The following PDE8B variants were observed in gnomAD, a reference collection of about 807,000 sequenced individuals.
PDE8B encodes the protein phosphodiesterase 8B.
A neutral mutation model predicts 101.3 loss-of-function variants in PDE8B; 26 were observed. That is an observed-to-expected ratio of 0.26 (90% CI 0.19 to 0.36). The LOEUF is 0.36. Ranked by LOEUF, PDE8B falls within the 10% of genes least tolerant of loss-of-function variation. The probability of loss-of-function intolerance (pLI) is 1.00; values close to 1 mark genes in which losing one functional copy is unlikely to be tolerated. For missense variants in PDE8B, 810 were observed against 1,163.1 expected (o/e 0.70, Z 4.42); for synonymous variants, 424 against 429.3 (o/e 0.99, Z 0.15).
intron 10 of PDE8B, among the ~76,000 whole-genome samples, chr5:77,377,078 C>G (rs539714349): frequency 6.6e-6 from 1 of 152,164 alleles, no homozygotes; most frequent in African/African-American, 2.4e-5. Context: ...CAAGGGGACA[C>G]GGGCTGGAGG....
intron 21 of PDE8B, 126 bp from the exon 22 acceptor site, chr5:77,426,319 C>T (rs889298973): frequency 1.4e-6 from 1 of 717,464 alleles, no homozygotes; most frequent in Non-Finnish European, 2.6e-6. Context: ...GACTTGTCCT[C>T]ATGCTTCGCC....
At chr5:77,140,308 A>G in the PDE8B span, 2 of 152,144 alleles carry the variant, frequency 1.3e-5, no homozygotes, top group Non-Finnish European at 2.9e-5. Context: ...CCAACACTGT[A>G]GCCCTCAGGA....
At chr5:77,355,762 A>G (rs1183297890) in intron 10 of PDE8B, among the ~76,000 whole-genome samples, 1 of 152,262 alleles carries the variant, frequency 6.6e-6, no homozygotes, top group Admixed American at 6.5e-5. Context: ...GGCCACAGAC[A>G]GGTAAACAGA....
chr5:77,422,040 G>A (rs192368354), intron 20 of PDE8B, 52 bp downstream of exon 20: 16 of 1,560,676 alleles, frequency 1.0e-5, no homozygotes, highest in Admixed American at 6.9e-5. Context: ...ATGGGAACTA[G>A]GTCATGGAAC....
At chr5:77,317,347 G>C (rs1773980445) in intron 2 of PDE8B, among the ~76,000 whole-genome samples, 1 of 152,192 alleles carries the variant, frequency 6.6e-6, no homozygotes, top group African/African-American at 2.4e-5. Flanking sequence ...AGAGCCCTTA[G>C]GGCTTGGGAG....
At chr5:77,158,535 G>T in the PDE8B span, among the ~76,000 whole-genome samples, 1 of 152,206 alleles carries the variant, frequency 6.6e-6, no homozygotes, top group Non-Finnish European at 1.5e-5. Flanking sequence ...GGAAATTAAA[G>T]AAGGGAGAGA....
intron 2 of PDE8B, among the ~76,000 whole-genome samples, chr5:77,315,547 T>C (rs1773620271): frequency 6.6e-6 from 1 of 152,364 alleles, no homozygotes; most frequent in Admixed American, 6.5e-5. Flanking sequence ...AGATGTATTC[T>C]CTATTTGTTG....
intron 1 of PDE8B, among the ~76,000 whole-genome samples, chr5:77,288,992 C>T (rs1358140769): frequency 6.6e-6 from 1 of 152,108 alleles, no homozygotes; most frequent in East Asian, 1.9e-4. Flanking sequence ...ATATGAGTGT[C>T]ACCTGTTACC....
the PDE8B span, among the ~76,000 whole-genome samples, chr5:77,169,065 C>A: frequency 6.6e-6 from 1 of 152,210 alleles, no homozygotes; most frequent in Non-Finnish European, 1.5e-5. Flanking sequence ...CAGCCACACC[C>A]TGAGAGTTGG....
intron 11 of PDE8B, among the ~76,000 whole-genome samples, chr5:77,401,661 G>A (rs1792311813): frequency 6.6e-6 from 1 of 152,064 alleles, no homozygotes; most frequent in Admixed American, 6.5e-5. Context: ...TCAGTAAGTG[G>A]AGCTATTTTT....
At chr5:77,223,693 G>T (rs1344197636) in intron 1 of PDE8B, among the ~76,000 whole-genome samples, 2 of 152,062 alleles carry the variant, frequency 1.3e-5, no homozygotes, top group Non-Finnish European at 2.9e-5. Flanking sequence ...GAGGCTAGAA[G>T]TCTGCAAGCT....
At chr5:77,268,282 T>G (rs1762131672) in intron 1 of PDE8B, among the ~76,000 whole-genome samples, 1 of 152,184 alleles carries the variant, frequency 6.6e-6, no homozygotes, top group Admixed American at 6.5e-5. Flanking sequence ...TGAGATATTT[T>G]GATACAGGCG....
chr5:77,166,997 A>G, the PDE8B span: 1 of 152,224 alleles, frequency 6.6e-6, no homozygotes, highest in South Asian at 2.1e-4. Flanking sequence ...ATTCCTGTAT[A>G]CCCGGCACCA....
At position 77,211,396 on chromosome 5, in the gene PDE8B, G is replaced by A; in HGVS notation, c.339+132G>A. The A allele has an allele frequency of 1.2e-6, 1 of 808,290 alleles. No homozygotes were observed. The highest frequency in any genetic ancestry group is 1.9e-6 in the Non-Finnish European group (1 of 537,278). The allele number at this position is 808,290 out of a possible 1,614,324, so 50.1% of individuals were successfully genotyped here. A position where few individuals can be genotyped will look rare whatever the true frequency, so the allele number is the denominator to read the frequency against. On this transcript the variant is annotated intron_variant, in intron 1 of 21. Transcript: ENST00000264917. The surrounding 1 kb of genome is among the most constrained non-coding windows in gnomAD (Gnocchi z 4.1). ...TTGGAGAGGTTGTCACTAAGGAGGA[G>A]TTTACTTTTCATTTGTGGAGATGAT...
chr5:77,210,048 T>C (rs1747911533), upstream of PDE8B, among the ~76,000 whole-genome samples: 1 of 151,156 alleles, frequency 6.6e-6, no homozygotes. The surrounding 1 kb of genome is among the most constrained non-coding windows in gnomAD (Gnocchi z 4.9). Context: ...ACTTCCCGGG[T>C]GTGTTGAGAG....
chr5:77,243,743 A>T (rs1247952395), intron 1 of PDE8B, among the ~76,000 whole-genome samples: 1 of 152,116 alleles, frequency 6.6e-6, no homozygotes, highest in Non-Finnish European at 1.5e-5. Flanking sequence ...TTGTTCATTC[A>T]TCAGTTGGTG....
intron 1 of PDE8B, among the ~76,000 whole-genome samples, chr5:77,241,844 T>C (rs1052578464): frequency 6.6e-6 from 1 of 152,248 alleles, no homozygotes; most frequent in Non-Finnish European, 1.5e-5. Flanking sequence ...TTTAAAGTTA[T>C]CATTTTAAGA....
At chr5:77,169,592 G>A in the PDE8B span, among the ~76,000 whole-genome samples, 3 of 152,138 alleles carry the variant, frequency 2.0e-5, no homozygotes, top group African/African-American at 4.8e-5. Flanking sequence ...GCAAATACCC[G>A]AGTTGAAAAG....
the PDE8B span, among the ~76,000 whole-genome samples, chr5:77,090,325 C>T: frequency 6.6e-6 from 1 of 152,118 alleles, no homozygotes; most frequent in African/African-American, 2.4e-5. Flanking sequence ...CTGCAAGCTC[C>T]GCCTCCCGGG....
Sources: gnomAD v4.1 joint callset for allele counts (sites outside exome capture counted in the v4.1 genomes callset) on GRCh38, gnomAD v4.1.1 for gene constraint, Gnocchi (gnomAD v3.1) non-coding constraint, MANE v1.5 for transcripts, NCBI Gene and HGNC (gene_info 2026-07-23, HGNC 2026-07-21) for gene names.